The following SLC36A1 variants were observed in gnomAD, a reference collection of about 807,000 sequenced individuals.
The protein encoded by SLC36A1 is solute carrier family 36 member 1, also known as proton-coupled amino acid transporter 1.
In SLC36A1, 30 loss-of-function variants were observed where a neutral mutation model predicts 47.5. The observed-to-expected ratio is 0.63, with a 90% CI of 0.47 to 0.86. The LOEUF (loss-of-function observed/expected upper bound fraction) is 0.86, where lower values mean the gene tolerates loss of function less well. Ranked by LOEUF, SLC36A1 falls within the 40% of genes least tolerant of loss-of-function variation. The pLI, the probability that SLC36A1 is intolerant of heterozygous loss-of-function variation, is 0.00. For synonymous variants in SLC36A1, 255 were observed against 249.7 expected (o/e 1.02, Z -0.20); for missense variants, 517 against 606.0 (o/e 0.85, Z 1.54).
intron 2 of SLC36A1, among the ~76,000 whole-genome samples, chr5:151,459,499 C>T (rs919879451): frequency 2.0e-4 from 31 of 152,232 alleles, no homozygotes; most frequent in Non-Finnish European, 2.4e-4. Context: ...TCAGGTCTCA[C>T]TTTCCCCAAA....
intron 10 of SLC36A1, chr5:151,479,756 G>A (rs897252430): frequency 1.5e-5 from 8 of 534,976 alleles, no homozygotes; most frequent in Middle Eastern, 4.7e-4. Flanking sequence ...TTATCATTCA[G>A]AGTAAAGACA....
the SLC36A1 span, chr5:151,529,444 C>T: frequency 2.7e-5 from 41 of 1,533,018 alleles, no homozygotes; most frequent in African/African-American, 9.5e-5. Context: ...CCCTCAAAGG[C>T]GCAGGACTGA....
chr5:151,408,788 G>A, the SLC36A1 span, among the ~76,000 whole-genome samples: 1 of 152,090 alleles, frequency 6.6e-6, no homozygotes, highest in Admixed American at 6.5e-5. Flanking sequence ...AGAGATATCA[G>A]CCATGAAAAT....
the SLC36A1 span, chr5:151,512,656 A>T: frequency 1.3e-6 from 2 of 1,489,550 alleles, no homozygotes; most frequent in South Asian, 1.3e-5. This position sits in a 1 kb window ranked among gnomAD's most constrained non-coding sequence, Gnocchi z 4.1. Context: ...AGTCCTTGTA[A>T]ACCTGCTAAG....
intron 7 of SLC36A1, among the ~76,000 whole-genome samples, chr5:151,469,071 C>T (rs532128889): frequency 4.1e-5 from 6 of 147,220 alleles, no homozygotes; most frequent in East Asian, 2.0e-4. Flanking sequence ...AAAGTAAAAG[C>T]GGGTAAATAA....
chr5:151,399,084 A>ATATATATATATTTTTTT, the SLC36A1 span, among the ~76,000 whole-genome samples: 3 of 60,068 alleles, frequency 5.0e-5, no homozygotes, highest in African/African-American at 1.1e-4. Context: ...ATATATATAT[A>ATATATATATATTTTTTT]TTTTTTTTTT....
At chr5:151,484,185 C>T (rs914036209) in intron 10 of SLC36A1, among the ~76,000 whole-genome samples, 1 of 152,076 alleles carries the variant, frequency 6.6e-6, no homozygotes, top group Non-Finnish European at 1.5e-5. Flanking sequence ...CCTGCTAGGT[C>T]AGTATGGGAG....
the SLC36A1 span, chr5:151,546,070 C>A: frequency 3.1e-6 from 5 of 1,614,022 alleles, no homozygotes; most frequent in South Asian, 4.4e-5. Flanking sequence ...TTCAGAGGGG[C>A]TCATAGCAGA....
chr5:151,547,506 G>A, the SLC36A1 span, among the ~76,000 whole-genome samples: 8 of 152,116 alleles, frequency 5.3e-5, no homozygotes, highest in South Asian at 2.1e-4. Context: ...CCTCTATCAC[G>A]TGAGAGCATA....
At chr5:151,548,130 GT>G in the SLC36A1 span, among the ~76,000 whole-genome samples, 2 of 152,046 alleles carry the variant, frequency 1.3e-5, no homozygotes, top group Non-Finnish European at 2.9e-5. Context: ...TATGGCAACT[GT>G]TTCTTCCAAA....
At position 151,491,993 on chromosome 5, in the gene SLC36A1, G is replaced by A. The variant is rs1429336249; in HGVS notation, c.*3739G>A. ...CCTTTGTGCCACTGAGTCGTTCCCT[G>A]GCCAGAGGACATAAATGGTGCTGGT... On this transcript the variant is annotated 3_prime_UTR_variant, in exon 11 of 11. Transcript: ENST00000243389. 1.3e-5 allele frequency: 2 copies of A among 152,220 alleles called. No individual in the cohort carries two copies. Among genetic ancestry groups the A allele is most frequent in the African/African-American group, 4.8e-5 (2 of 41,438 alleles). The allele number at this position is 152,220 out of a possible 1,614,324, so 9.4% of individuals were successfully genotyped here. A position where few individuals can be genotyped will look rare whatever the true frequency, so the allele number is the denominator to read the frequency against.
At chr5:151,406,300 T>C in the SLC36A1 span, among the ~76,000 whole-genome samples, 1 of 152,102 alleles carries the variant, frequency 6.6e-6, no homozygotes, top group East Asian at 1.9e-4. Flanking sequence ...TTCAGAGAGA[T>C]TTTAAAACAG....
the SLC36A1 span, among the ~76,000 whole-genome samples, chr5:151,499,926 T>C: frequency 1.3e-5 from 2 of 150,144 alleles, no homozygotes; most frequent in Non-Finnish European, 3.0e-5. Flanking sequence ...CCCTCCCTTC[T>C]GGCCTGCTCC....
the SLC36A1 span, chr5:151,505,102 C>G: frequency 9.2e-6 from 2 of 217,716 alleles, no homozygotes; most frequent in Admixed American, 1.1e-4. Context: ...ACGCAGCCCT[C>G]TAGAGCTCCT....
intron 9 of SLC36A1, among the ~76,000 whole-genome samples, chr5:151,478,818 TTCC>T (rs756690283): frequency 4.0e-5 from 6 of 150,750 alleles, no homozygotes; most frequent in Non-Finnish European, 8.8e-5. Context: ...TGTGTGTTTT[TTCC>T]TCCTCTTTTT....
the SLC36A1 span, among the ~76,000 whole-genome samples, chr5:151,422,510 A>G: frequency 6.6e-6 from 1 of 152,084 alleles, no homozygotes; most frequent in Non-Finnish European, 1.5e-5. Flanking sequence ...ACGGCAGAGT[A>G]TTCAGTCTTC....
At chr5:151,535,838 C>T in the SLC36A1 span, among the ~76,000 whole-genome samples, 1 of 152,196 alleles carries the variant, frequency 6.6e-6, no homozygotes, top group South Asian at 2.1e-4. Context: ...CCTGAGGGGT[C>T]TCCGCTGCTT....
chr5:151,496,275 G>A (rs961988046), downstream of SLC36A1, among the ~76,000 whole-genome samples: 16 of 152,142 alleles, frequency 1.1e-4, 1 homozygote, highest in Admixed American at 8.5e-4. Context: ...GCTCCTCCTT[G>A]CCTTCCGCCG....
chr5:151,350,782 A>G, the SLC36A1 span, among the ~76,000 whole-genome samples: 1,112 of 151,794 alleles, frequency 7.3e-3, 20 homozygotes, highest in African/African-American at 0.026. Flanking sequence ...GCTCACTGCA[A>G]CCTCCACCTC....
Sources: allele counts gnomAD v4.1 joint callset (sites outside exome capture counted in the v4.1 genomes callset), GRCh38; gene constraint gnomAD v4.1.1; non-coding constraint Gnocchi (gnomAD v3.1); transcripts MANE v1.5; gene names NCBI Gene and HGNC (gene_info 2026-07-23, HGNC 2026-07-21).